CNOT3: variants seen among roughly 807,000 people sequenced by gnomAD.
The protein encoded by CNOT3 is CCR4-NOT transcription complex subunit 3.
In CNOT3, 2 loss-of-function variants were observed where a neutral mutation model predicts 89.4. That is an observed-to-expected ratio of 0.02 (90% CI 0.01 to 0.07). CNOT3 has a LOEUF of 0.07. Among genes scored for constraint, CNOT3 ranks in the 10% least tolerant of loss-of-function variants. CNOT3 has a pLI of 1.00. For synonymous variants in CNOT3, 486 were observed against 402.0 expected, an observed-to-expected ratio of 1.21 and a Z score of -2.50; for missense variants, 664 against 1,010.2, an observed-to-expected ratio of 0.66 and a Z score of 4.65.
Position 54,148,642 on chromosome 19 carries a change from C to A in CNOT3, c.1305C>A (p.Asp435Glu). ...GATSYSSVVA[D>E]SPAEVALSSS... ...CAGGTTACAGCTCAGTTGTGGCAGA[C>A]AGCCCGGCAGAGGTGGCTTTGAGCA... Residue 435 changes from aspartate to glutamate, a missense_variant, in exon 12 of 18, where the codon GAC becomes GAA. Physicochemically the swap from Asp to Glu is conservative, Grantham distance 45 (BLOSUM62 2). Around this residue, in one of 8 missense-constraint regions of CNOT3, gnomAD observed 545 missense variants for 566.2 expected, o/e 0.96. Coordinates refer to ENST00000221232, the MANE Select transcript of CNOT3 (RefSeq NM_014516.4). The surrounding 1 kb of genome is among the most constrained non-coding windows in gnomAD (Gnocchi z 6.3). 6.2e-7 allele frequency: 1 copy of A among 1,610,484 alleles called. No homozygotes were observed.
chr19:54,141,841 A>G lies in CNOT3; in HGVS notation c.-50-1088A>G, dbSNP rs587669107. The G allele has an allele frequency of 4.6e-5, 7 of 152,154 alleles. No homozygotes were observed. In the East Asian group the frequency reaches 7.7e-4, roughly 17 times the overall value. The allele number at this position is 152,154 out of a possible 1,614,324, so 9.4% of individuals were successfully genotyped here. On this transcript the variant is annotated intron_variant, in intron 1 of 17. Transcript: ENST00000221232. ...CCCCTCCCTGGAGGGGAAGAGGGCAATCTCCGCTGGTATCTCAGAAGTCTT... is the reference window on the plus strand; with the variant it reads ...CCCCTCCCTGGAGGGGAAGAGGGCAGTCTCCGCTGGTATCTCAGAAGTCTT...
chr19:54,147,285 C>T (rs2074731534), intron 10 of CNOT3, among the ~76,000 whole-genome samples: 1 of 152,188 alleles, frequency 6.6e-6, no homozygotes, highest in Admixed American at 6.5e-5. Context: ...GGCCTGAGGC[C>T]CCTCTGTGGG....
In CNOT3 at chr19:54,154,046, C is replaced by T. The variant is rs1247667479; in HGVS notation, c.2163+206C>T. 11 of 736,596 alleles carry T rather than the reference C, an allele frequency of 1.5e-5. No homozygotes were observed. The Admixed American group carries it at 1.6e-4, about 11-fold the overall frequency. 45.6% of individuals were successfully genotyped at this position (736,596 alleles called of 1,614,324 possible). A position where few individuals can be genotyped will look rare whatever the true frequency, so the allele number is the denominator to read the frequency against. On this transcript the variant is annotated intron_variant, in intron 17 of 17. Coordinates refer to ENST00000221232, the MANE Select transcript of CNOT3 (RefSeq NM_014516.4). ...TCCACTTGGCCAGCTCCTAGGCCTC[C>T]TGTAGGTCTCAGCCCAAATGTCCCT...
Position 54,138,535 on chromosome 19 carries a change from C to G in CNOT3, c.-51+542C>G, listed in dbSNP as rs904072794. 5.3e-5 allele frequency among the ~76,000 whole-genome samples: 8 copies of G among 152,138 alleles called. 1 individual carries two copies. The highest frequency in any genetic ancestry group is 3.4e-3 in the Middle Eastern group (1 of 294). ...GGGGGTGGTGGTCGGGACGAGGACC[C>G]CAGCTGGGTGGGGGAGTCACCCTTC... On this transcript the variant is annotated intron_variant, in intron 1 of 17. Transcript: ENST00000221232.
chr19:54,138,526 A>G (rs2074314704), intron 1 of CNOT3, among the ~76,000 whole-genome samples: 2 of 151,354 alleles, frequency 1.3e-5, no homozygotes, highest in East Asian at 3.9e-4. Context: ...GGTGGTCGGG[A>G]CGAGGACCCC....
At position 54,146,055 on chromosome 19, in the gene CNOT3, C is replaced by A. The variant is rs772361275; in HGVS notation, c.837+12C>A. ...CCAACTGTACCACGGTGAGGCCCCA[C>A]GGGACACTAGTACCTTGTGTTTCCA... On this transcript the variant is annotated intron_variant, in intron 9 of 17. Coordinates refer to ENST00000221232, the MANE Select transcript of CNOT3 (RefSeq NM_014516.4). 4 of 1,611,714 alleles carry A rather than the reference C, an allele frequency of 2.5e-6. No homozygotes were observed. In the African/African-American group the frequency reaches 4.0e-5, roughly 16 times the overall value.
Position 54,152,231 on chromosome 19 carries a change from T to C in CNOT3, c.1611T>C (p.Pro537=), listed in dbSNP as rs1404454377. The C allele has an allele frequency of 1.9e-6, 3 of 1,614,150 alleles. No individual in the cohort carries two copies. In the South Asian group the frequency reaches 3.3e-5, roughly 18 times the overall value. Residue 537 remains proline, a synonymous_variant, in exon 14 of 18, where the codon CCT becomes CCC. Transcript: ENST00000221232. The part of the protein sequence containing the change: ...QFSTAPEIKA[P]EPLSSLKSMA... ...GCCTCTTGTTTCCTCCCCAGGCCCC[T>C]GAGCCTCTGAGCTCCTTGAAGTCCA... is the stretch of plus-strand genomic sequence containing the variant.
chr19:54,139,252 C>G lies in CNOT3; in HGVS notation c.-51+1259C>G, dbSNP rs1213274509. ...TGCCTGAGTATGAGGCTTCTTCCAT[C>G]TTCACACCAGTCTCCTCCTTTAGGG... On this transcript the variant is annotated intron_variant, in intron 1 of 17. Transcript: ENST00000221232. Among the ~76,000 whole-genome samples, 4 of 152,168 alleles carry G rather than the reference C, an allele frequency of 2.6e-5. No individual in the cohort carries two copies. The East Asian group carries it at 7.7e-4, about 29-fold the overall frequency.
chr19:54,143,347 G>A (rs2074532853), intron 3 of CNOT3, 95 bp from the exon 4 acceptor site: 1 of 1,358,798 alleles, frequency 7.4e-7, no homozygotes, highest in Admixed American at 1.7e-5. Flanking sequence ...GGGGTTGGGG[G>A]GGGTCCTCGA....
chr19:54,145,735 T>C lies in CNOT3; in HGVS notation c.621T>C (p.Val207=). The C allele has an allele frequency of 6.2e-7, 1 of 1,613,558 alleles. No individual in the cohort carries two copies. The highest frequency in any genetic ancestry group is 8.5e-7 in the Non-Finnish European group (1 of 1,179,486). ...CCATCCGCAAGATCAAGGACGACGTTGAGTACTATGTTGACTCATCCCAGG... is the reference window on the plus strand; with the variant it reads ...CCATCCGCAAGATCAAGGACGACGTCGAGTACTATGTTGACTCATCCCAGG... ...VDAIRKIKDD[V]EYYVDSSQDP... The change falls in exon 8 of 18, where the codon GTT becomes GTC. Residue 207 remains valine, a synonymous_variant. Coordinates refer to ENST00000221232, the MANE Select transcript of CNOT3 (RefSeq NM_014516.4). The surrounding 1 kb of genome is among the most constrained non-coding windows in gnomAD (Gnocchi z 5.9).
intron 17 of CNOT3, 39 bp from the exon 18 acceptor site, chr19:54,155,270 C>G (rs1341782360): frequency 6.2e-7 from 1 of 1,608,958 alleles, no homozygotes; most frequent in South Asian, 1.1e-5. Flanking sequence ...CCCAGACCAC[C>G]TCCTCGTCCA....
chr19:54,139,110 A>G (rs1568622515), intron 1 of CNOT3, among the ~76,000 whole-genome samples: 1 of 152,166 alleles, frequency 6.6e-6, no homozygotes, highest in African/African-American at 2.4e-5. Flanking sequence ...GGGCAGCACC[A>G]GCCCCTCTTT....
intron 10 of CNOT3, 80 bp downstream of exon 10, chr19:54,146,737 G>C (rs370716584): frequency 1.2e-6 from 1 of 828,666 alleles, no homozygotes; most frequent in Non-Finnish European, 2.2e-6. Context: ...CCTGAGCGCC[G>C]GCCACTGTGC....
rs587622350 is a variant in CNOT3 at position 54,144,444 on chromosome 19, C to G, written c.483+112C>G. 1.3e-6 allele frequency: 1 copy of G among 777,260 alleles called. No individual in the cohort carries two copies. The highest frequency in any genetic ancestry group is 1.6e-5 in the South Asian group (1 of 63,702). 48.1% of individuals were successfully genotyped at this position (777,260 alleles called of 1,614,324 possible). ...GGAGTTGGGGCCTGGATTCCTCAGG[C>G]GGACAGGGCCAACAGCCGGGATTAG... On this transcript the variant is annotated intron_variant, in intron 7 of 17. Coordinates refer to ENST00000221232, the MANE Select transcript of CNOT3 (RefSeq NM_014516.4). This position sits in a 1 kb window ranked among gnomAD's most constrained non-coding sequence, Gnocchi z 4.8.
At chr19:54,149,260 G>T (rs2074907310) in intron 12 of CNOT3, among the ~76,000 whole-genome samples, 1 of 152,148 alleles carries the variant, frequency 6.6e-6, no homozygotes, top group South Asian at 2.1e-4. Flanking sequence ...GGGGGAGTGG[G>T]CCCTGTGAAC....
At position 54,148,839 on chromosome 19, in the gene CNOT3, C is replaced by G; in HGVS notation, c.1406+96C>G. 9.0e-7 allele frequency: 1 copy of G among 1,114,938 alleles called. No homozygotes were observed. Among genetic ancestry groups the G allele is most frequent in the Non-Finnish European group, 1.3e-6 (1 of 787,502 alleles). The allele number at this position is 1,114,938 out of a possible 1,614,324, so 69.1% of individuals were successfully genotyped here. A position where few individuals can be genotyped will look rare whatever the true frequency, so the allele number is the denominator to read the frequency against. On this transcript the variant is annotated intron_variant, in intron 12 of 17. Transcript: ENST00000221232. The surrounding 1 kb of genome is among the most constrained non-coding windows in gnomAD (Gnocchi z 6.3). ...CCCGCATCGGTGGGTTCTGAACCCC[C>G]CGCCCTTGCTGCTGGGAATGGCCAA...
intron 17 of CNOT3, chr19:54,155,015 C>T (rs1243952036): frequency 2.1e-6 from 1 of 487,308 alleles, no homozygotes; most frequent in Non-Finnish European, 3.7e-6. Context: ...AAGCCACAGC[C>T]CTCGAGGAAA....
chr19:54,151,317 A>G (rs2075090094), intron 13 of CNOT3, among the ~76,000 whole-genome samples: 1 of 152,078 alleles, frequency 6.6e-6, no homozygotes, highest in African/African-American at 2.4e-5. Context: ...AGGACAGGAT[A>G]GAGGGAGGGT....
At chr19:54,143,865 C>T in intron 5 of CNOT3, 116 bp downstream of exon 5, 1 of 1,467,820 alleles carries the variant, frequency 6.8e-7, no homozygotes, top group Non-Finnish European at 9.3e-7. Flanking sequence ...AGTAAGGTTT[C>T]TGCACCTAAG....
Sources: allele counts gnomAD v4.1 joint callset (sites outside exome capture counted in the v4.1 genomes callset), GRCh38; gene constraint gnomAD v4.1.1; regional missense constraint gnomAD v4.1.1; non-coding constraint Gnocchi (gnomAD v3.1); transcripts MANE v1.5; gene names NCBI Gene and HGNC (gene_info 2026-07-23, HGNC 2026-07-21).